Variants in GDPD5 observed in about 807,000 individuals in gnomAD.
GDPD5 encodes the protein glycerophosphodiester phosphodiesterase 2.
A neutral mutation model predicts 75.1 loss-of-function variants in GDPD5; 48 were observed. That is an observed-to-expected ratio of 0.64 (90% confidence interval 0.51 to 0.81). The LOEUF (loss-of-function observed/expected upper bound fraction) is 0.81. GDPD5 is among the 40% of genes least tolerant of loss of function. The probability of loss-of-function intolerance (pLI) is 0.00; values close to 1 mark genes in which losing one functional copy is unlikely to be tolerated. For synonymous variants in GDPD5, 336 were observed against 339.0 expected, an observed-to-expected ratio of 0.99 and a Z score of 0.10; for missense variants, 706 against 822.6, an observed-to-expected ratio of 0.86 and a Z score of 1.73.
intron 13 of GDPD5, 141 bp from the exon 14 acceptor site, chr11:75,441,451 C>CAAGCCCTCCAGA: frequency 8.0e-7 from 1 of 1,243,906 alleles, no homozygotes; most frequent in Non-Finnish European, 1.1e-6. Context: ...GGCCAAGCTC[C>CAAGCCCTCCAGA]GGGACAAGCC....
chr11:75,477,757 G>T lies in GDPD5; in HGVS notation c.-22C>A. 1 of 1,518,378 alleles carries T rather than the reference G, an allele frequency of 6.6e-7. No individual in the cohort carries two copies. The highest frequency in any genetic ancestry group is 2.3e-5 in the East Asian group (1 of 42,790). 94.1% of individuals were successfully genotyped at this position (1,518,378 alleles called of 1,614,324 possible). A position where few individuals can be genotyped will look rare whatever the true frequency, so the allele number is the denominator to read the frequency against. ...CCATACTCGTGCCCACGGCCCTGGCGCCTGGCCCTCAGGCGCCCATGGAGG... is the reference window on the plus strand; with the variant it reads ...CCATACTCGTGCCCACGGCCCTGGCTCCTGGCCCTCAGGCGCCCATGGAGG... On this transcript the variant is annotated 5_prime_UTR_variant, in exon 3 of 17. Coordinates refer to ENST00000336898, the MANE Select transcript of GDPD5 (RefSeq NM_030792.8).
Position 75,449,063 on chromosome 11 carries a change from G to C in GDPD5, c.628C>G (p.Pro210Ala). The C allele has an allele frequency of 6.2e-7, 1 of 1,608,672 alleles. No homozygotes were observed. The highest frequency in any genetic ancestry group is 8.5e-7 in the Non-Finnish European group (1 of 1,178,292). The change falls in exon 9 of 17, where the codon CCT (proline) becomes GCT (alanine). Residue 210 changes from proline (P) to alanine (A), a missense_variant. Pro to Ala is a conservative substitution (Grantham distance 27, BLOSUM62 -1). Transcript: ENST00000336898. Reference sequence around the variant, plus strand: ...ATGCAGGGAGAGGAGATGGTGAGAGGGGCCAGGTAGAGGGCAAACACCACG... The same window carrying C: ...ATGCAGGGAGAGGAGATGGTGAGAGCGGCCAGGTAGAGGGCAAACACCACG... ...FTVVFALYLA[P>A]LTISSPCIME...
intron 3 of GDPD5, among the ~76,000 whole-genome samples, chr11:75,468,762 G>T (rs1359071501): frequency 6.6e-6 from 1 of 151,750 alleles, no homozygotes; most frequent in African/African-American, 2.4e-5. Flanking sequence ...ACAGAACAAG[G>T]CCAGCCAAAG....
Position 75,442,236 on chromosome 11 carries a change from A to G in GDPD5, c.1167+127T>C, listed in dbSNP as rs889399266. 7.3e-6 allele frequency: 5 copies of G among 682,046 alleles called. No individual in the cohort carries two copies. The African/African-American group carries it at 9.0e-5, about 12-fold the overall frequency. The allele number at this position is 682,046 out of a possible 1,614,324, so 42.2% of individuals were successfully genotyped here. ...TGATGACCCTGCCAGGGAAGTGAGC[A>G]GTGTGTGATCCCCATTTTACAAATG... On this transcript the variant is annotated intron_variant, in intron 12 of 16. Transcript: ENST00000336898.
chr11:75,459,795 G>C (rs1949373302), intron 4 of GDPD5, among the ~76,000 whole-genome samples: 1 of 145,736 alleles, frequency 6.9e-6, no homozygotes, highest in Non-Finnish European at 1.5e-5. Context: ...GGGTGACAGA[G>C]CGAGACTGTC....
At chr11:75,449,722 A>T (rs1949087456) in intron 7 of GDPD5, 112 bp from the exon 8 acceptor site, 6 of 1,297,524 alleles carry the variant, frequency 4.6e-6, no homozygotes, top group Non-Finnish European at 4.4e-6. Context: ...TCCATCTGCC[A>T]ACTGGGGACA....
In GDPD5 at chr11:75,441,771, C is replaced by T. The variant is rs748622501; in HGVS notation, c.1200G>A (p.Leu400=). 1 of 1,610,856 alleles carries T rather than the reference C, an allele frequency of 6.2e-7. No homozygotes were observed. The highest frequency in any genetic ancestry group is 2.2e-5 in the East Asian group (1 of 44,868). Residue 400 remains leucine (L), a synonymous_variant, in exon 13 of 17, where the codon CTG becomes CTA. Coordinates refer to ENST00000336898, the MANE Select transcript of GDPD5 (RefSeq NM_030792.8). ...VMWLPSRQRP[L]VRKVAPGFQQ... is the part of the protein sequence containing the mutation. ...GGAAGCCGGGAGCCACCTTCCGCAC[C>T]AGGGGCCTCTGCCTGCTAGGCAGCC...
chr11:75,492,766 C>T (rs1439157693), intron 1 of GDPD5, among the ~76,000 whole-genome samples: 2 of 152,142 alleles, frequency 1.3e-5, no homozygotes, highest in African/African-American at 4.8e-5. Flanking sequence ...GAGTTTCGCT[C>T]TTGTTGCCCA....
chr11:75,442,347 C>A lies in GDPD5; in HGVS notation c.1167+16G>T. 1 of 1,535,894 alleles carries A rather than the reference C, an allele frequency of 6.5e-7. No homozygotes were observed. Among genetic ancestry groups the A allele is most frequent in the South Asian group, 1.2e-5 (1 of 82,810 alleles). On this transcript the variant is annotated intron_variant, in intron 12 of 16. Transcript: ENST00000336898. Reference sequence around the variant, plus strand: ...GCCAGGGCTCCCGGGGGCAGAGCTGCGTTGCAGGGCCTCACCTGGTGCTGG... The same window carrying A: ...GCCAGGGCTCCCGGGGGCAGAGCTGAGTTGCAGGGCCTCACCTGGTGCTGG...
intron 13 of GDPD5, among the ~76,000 whole-genome samples, 167 bp from the exon 14 acceptor site, chr11:75,441,477 C>T (rs1359158762): frequency 1.3e-5 from 2 of 152,218 alleles, no homozygotes; most frequent in African/African-American, 2.4e-5. Context: ...CTGCCCGACA[C>T]GCTCACCCTC....
Position 75,477,716 on chromosome 11 carries a change from A to G in GDPD5, c.20T>C (p.Leu7Pro). The G allele has an allele frequency of 6.3e-7, 1 of 1,588,504 alleles. No individual in the cohort carries two copies. Among genetic ancestry groups the G allele is most frequent in the South Asian group, 1.1e-5 (1 of 89,140 alleles). Residue 7 changes from leucine (L) to proline (P), a missense_variant, in exon 3 of 17, where the codon CTG becomes CCG. By Grantham distance (98) the Leu-to-Pro change is moderately conservative. Coordinates refer to ENST00000336898, the MANE Select transcript of GDPD5 (RefSeq NM_030792.8). The stretch of plus-strand genomic sequence containing the variant: ...GCACAGCTGTGGCTCGTAGTACTGC[A>G]GGGGCTGGTGTCTCACCATACTCGT... MVRHQPLQYYEPQLCLS... is the reference protein window; with the variant it reads MVRHQPPQYYEPQLCLS...
intron 3 of GDPD5, among the ~76,000 whole-genome samples, chr11:75,475,678 G>A (rs1228656108): frequency 2.6e-5 from 4 of 152,236 alleles, no homozygotes; most frequent in Non-Finnish European, 4.4e-5. Context: ...AGCAGAGGAT[G>A]CTCATCTTCA....
intron 9 of GDPD5, among the ~76,000 whole-genome samples, chr11:75,447,362 T>C (rs1565185680): frequency 6.6e-6 from 1 of 152,184 alleles, no homozygotes; most frequent in Non-Finnish European, 1.5e-5. Context: ...ATCCTTAATA[T>C]TGGCTGGGTG....
chr11:75,457,587 G>T, intron 5 of GDPD5, 106 bp downstream of exon 5: 1 of 761,774 alleles, frequency 1.3e-6, no homozygotes, highest in Non-Finnish European at 2.2e-6. Context: ...TACAAATACA[G>T]CTTTCCCCTT....
At chr11:75,442,211 T>C in intron 12 of GDPD5, 152 bp downstream of exon 12, 1 of 635,506 alleles carries the variant, frequency 1.6e-6, no homozygotes, top group South Asian at 2.0e-5. Context: ...TCTTGTCCCA[T>C]GATGACCCTG....
At chr11:75,510,745 C>T (rs1950499863) in intron 1 of GDPD5, among the ~76,000 whole-genome samples, 1 of 151,710 alleles carries the variant, frequency 6.6e-6, no homozygotes, top group South Asian at 2.1e-4. Context: ...AGCTCGCTCC[C>T]TTCTCCCCCT....
chr11:75,509,826 C>T (rs1006385158), intron 1 of GDPD5, among the ~76,000 whole-genome samples: 1 of 152,150 alleles, frequency 6.6e-6, no homozygotes. Context: ...ATTACAGGCA[C>T]GCACCACCAA....
chr11:75,472,311 C>T (rs1325439422), intron 3 of GDPD5, among the ~76,000 whole-genome samples: 2 of 152,192 alleles, frequency 1.3e-5, no homozygotes, highest in Non-Finnish European at 1.5e-5. Flanking sequence ...CAGCCACACC[C>T]TGGAGCCCAT....
chr11:75,440,199 G>A (rs1021154183), intron 14 of GDPD5, among the ~76,000 whole-genome samples: 1 of 152,306 alleles, frequency 6.6e-6, no homozygotes, highest in East Asian at 1.9e-4. Flanking sequence ...GGAGGGGACT[G>A]TATGGTGCTC....
Sources: gnomAD v4.1 joint callset for allele counts (sites outside exome capture counted in the v4.1 genomes callset) on GRCh38, gnomAD v4.1.1 for gene constraint, MANE v1.5 for transcripts, NCBI Gene and HGNC (gene_info 2026-07-23, HGNC 2026-07-21) for gene names.